Variants in RALYL observed in about 807,000 individuals in gnomAD.
The protein encoded by RALYL is RALY RNA binding protein like.
A neutral mutation model predicts 35.1 loss-of-function variants in RALYL; 29 were observed. The observed-to-expected ratio is 0.83, with a 90% CI of 0.61 to 1.13. RALYL has a LOEUF of 1.13. Ranked by LOEUF, RALYL falls within the 50% of genes most tolerant of loss-of-function variation. RALYL has a pLI of 0.00. For synonymous variants in RALYL, 120 were observed against 127.6 expected (o/e 0.94, Z 0.40); for missense variants, 359 against 360.4 (o/e 1.00, Z 0.03).
chr8:84,441,109 A>C lies in RALYL; in HGVS notation c.-23-88190A>C, dbSNP rs565255967. Among the ~76,000 whole-genome samples, 30 of 152,208 alleles carry C rather than the reference A, an allele frequency of 2.0e-4. No homozygotes were observed. In the South Asian group the frequency reaches 4.8e-3, roughly 24 times the overall value. On this transcript the variant is annotated intron_variant, in intron 1 of 8. Transcript: ENST00000521268. ...AGTAGTGGTGTATTTTTTTAATAAT[A>C]AATGATACTTTAAAGCATATTAATG...
chr8:84,724,806 G>C lies in RALYL; in HGVS notation c.257-49773G>C, dbSNP rs116465426. On this transcript the variant is annotated intron_variant, in intron 2 of 8. Coordinates refer to ENST00000521268, the MANE Select transcript of RALYL (RefSeq NM_173848.7). The stretch of plus-strand genomic sequence containing the variant: ...AGAATTTGTGCTTAGAAATTCACCA[G>C]ATAATCATCAAATCAATAGTCCTTA... Among the ~76,000 whole-genome samples the C allele has an allele frequency of 2.0e-3, 298 of 151,782 alleles. 2 individuals carry two copies. Among genetic ancestry groups the C allele is most frequent in the African/African-American group, 6.9e-3 (286 of 41,482 alleles).
At chr8:84,861,354 GT>G (rs780907937) in intron 5 of RALYL, among the ~76,000 whole-genome samples, 1 of 152,102 alleles carries the variant, frequency 6.6e-6, no homozygotes, top group Non-Finnish European at 1.5e-5. Context: ...ATAAAAATCT[GT>G]TGTATATGTG....
At chr8:84,592,026 A>T (rs575930496) in intron 2 of RALYL, among the ~76,000 whole-genome samples, 1 of 152,000 alleles carries the variant, frequency 6.6e-6, no homozygotes, top group Non-Finnish European at 1.5e-5. Context: ...TATTGTTTCT[A>T]TGTGCCCCAC....
chr8:84,403,829 T>G (rs1210392113), intron 1 of RALYL, among the ~76,000 whole-genome samples: 1 of 152,124 alleles, frequency 6.6e-6, no homozygotes, highest in African/African-American at 2.4e-5. Context: ...GGAATGTTTT[T>G]TCATTTGTGT....
intron 1 of RALYL, among the ~76,000 whole-genome samples, chr8:84,287,464 G>A (rs995592842): frequency 6.6e-6 from 1 of 152,156 alleles, no homozygotes; most frequent in African/African-American, 2.4e-5. Context: ...AATCCTCAAG[G>A]AAGGAGGGGA....
In RALYL at chr8:84,332,509, C is replaced by T. The variant is rs368635449; in HGVS notation, c.-24+148085C>T. Among the ~76,000 whole-genome samples the T allele has an allele frequency of 6.6e-5, 10 of 152,106 alleles. No homozygotes were observed. In the East Asian group the frequency reaches 1.4e-3, roughly 21 times the overall value. On this transcript the variant is annotated intron_variant, in intron 1 of 8. Coordinates refer to ENST00000521268, the MANE Select transcript of RALYL (RefSeq NM_173848.7). Reference sequence around the variant, plus strand: ...GAGAAATGGAAATAGGAGGATTATACAAGGTTGGATCCTTTAAAAAGTCAA... The same window carrying T: ...GAGAAATGGAAATAGGAGGATTATATAAGGTTGGATCCTTTAAAAAGTCAA...
rs2050265078 is a variant in RALYL at position 84,457,470 on chromosome 8, GAT to G, written c.-23-71825_-23-71824del. Among the ~76,000 whole-genome samples, 4 of 151,940 alleles carry G rather than the reference GAT, an allele frequency of 2.6e-5. No individual in the cohort carries two copies. The South Asian group carries it at 8.3e-4, about 31-fold the overall frequency. ...ACCAAATGTCTTTAGCAGTTCTAAT[GAT>G]ATACAAAGTGTTGTTTTTGCAGTAT... On this transcript the variant is annotated intron_variant, in intron 1 of 8. Transcript: ENST00000521268.
At chr8:84,837,375 T>G (rs1038456366) in intron 4 of RALYL, among the ~76,000 whole-genome samples, 4 of 152,206 alleles carry the variant, frequency 2.6e-5, no homozygotes, top group African/African-American at 7.2e-5. Flanking sequence ...TAGTTATTAT[T>G]GGCAAGATGT....
intron 1 of RALYL, among the ~76,000 whole-genome samples, chr8:84,471,500 G>A (rs1587602900): frequency 6.6e-6 from 1 of 152,076 alleles, no homozygotes; most frequent in East Asian, 1.9e-4. Flanking sequence ...GGGCTGAGGT[G>A]AGAAGATGGC....
chr8:84,247,037 A>G (rs1829240911), intron 1 of RALYL, among the ~76,000 whole-genome samples: 1 of 152,184 alleles, frequency 6.6e-6, no homozygotes, highest in South Asian at 2.1e-4. Context: ...TACCTGTAAC[A>G]TAAGCTGCAT....
chr8:84,341,337 G>C (rs772699859), intron 1 of RALYL, among the ~76,000 whole-genome samples: 1 of 151,748 alleles, frequency 6.6e-6, no homozygotes, highest in African/African-American at 2.4e-5. Context: ...TGGGTGAAGC[G>C]TGCAGGTTAA....
chr8:84,320,177 T>C (rs1844536118), intron 1 of RALYL, among the ~76,000 whole-genome samples: 1 of 152,050 alleles, frequency 6.6e-6, no homozygotes, highest in South Asian at 2.1e-4. Flanking sequence ...AGATTTACCA[T>C]ATTTTGCTTA....
At chr8:84,356,599 T>C (rs1586564087) in intron 1 of RALYL, among the ~76,000 whole-genome samples, 1 of 150,218 alleles carries the variant, frequency 6.7e-6, no homozygotes, top group Non-Finnish European at 1.5e-5. Flanking sequence ...GAAGATTCAT[T>C]TATAGGTCTA....
chr8:84,320,568 A>G (rs773486737), intron 1 of RALYL, among the ~76,000 whole-genome samples: 54 of 152,066 alleles, frequency 3.6e-4, no homozygotes, highest in Non-Finnish European at 6.3e-4. Context: ...TTAAATGCAA[A>G]TACCAAAGAT....
At chr8:84,564,754 A>G (rs2061672370) in intron 2 of RALYL, among the ~76,000 whole-genome samples, 1 of 151,638 alleles carries the variant, frequency 6.6e-6, no homozygotes, top group African/African-American at 2.4e-5. Flanking sequence ...CCCAAACTAC[A>G]TTTCATCGTA....
In RALYL at chr8:84,391,866, T is replaced by A. The variant is rs570345382; in HGVS notation, c.-23-137433T>A. Among the ~76,000 whole-genome samples the A allele has an allele frequency of 3.3e-5, 5 of 152,188 alleles. No homozygotes were observed. In the East Asian group the frequency reaches 9.7e-4, roughly 30 times the overall value. The stretch of plus-strand genomic sequence containing the variant: ...ACTCCCAACAAACAGTGACTTCTGC[T>A]GAGTTTTTTCTGATACTTTTACTGT... On this transcript the variant is annotated intron_variant, in intron 1 of 8. Coordinates refer to ENST00000521268, the MANE Select transcript of RALYL (RefSeq NM_173848.7).
intron 1 of RALYL, among the ~76,000 whole-genome samples, chr8:84,501,399 A>G (rs558957322): frequency 6.6e-6 from 1 of 152,262 alleles, no homozygotes; most frequent in South Asian, 2.1e-4. Context: ...ACATACACTT[A>G]CATATGCACA....
chr8:84,547,504 C>T (rs949639471), intron 2 of RALYL, among the ~76,000 whole-genome samples: 4 of 151,912 alleles, frequency 2.6e-5, no homozygotes, highest in African/African-American at 4.8e-5. Flanking sequence ...CTCAGCCTCC[C>T]GAGGAGCTGG....
chr8:84,831,682 A>AT (rs890144743), intron 4 of RALYL, among the ~76,000 whole-genome samples: 21 of 152,158 alleles, frequency 1.4e-4, no homozygotes, highest in African/African-American at 5.1e-4. Flanking sequence ...TAGTGATGAG[A>AT]TTTTTTAAAA....
Sources: gnomAD v4.1 joint callset for allele counts (sites outside exome capture counted in the v4.1 genomes callset) on GRCh38, gnomAD v4.1.1 for gene constraint, MANE v1.5 for transcripts, NCBI Gene and HGNC (gene_info 2026-07-23, HGNC 2026-07-21) for gene names.